SYNDIG1L: variants seen among roughly 807,000 people sequenced by gnomAD.
SYNDIG1L encodes the protein synapse differentiation-inducing gene protein 1-like.
A neutral mutation model predicts 20.1 loss-of-function variants in SYNDIG1L; 13 were observed. The observed-to-expected ratio is 0.65, with a 90% CI of 0.42 to 1.03. SYNDIG1L has a LOEUF of 1.03. Among genes scored for constraint, SYNDIG1L ranks in the 50% least tolerant of loss-of-function variants. SYNDIG1L has a pLI of 0.00. For synonymous variants in SYNDIG1L, 128 were observed against 129.3 expected (o/e 0.99, Z 0.07); for missense variants, 294 against 305.1 (o/e 0.96, Z 0.27).
the SYNDIG1L span, chr14:74,472,314 T>C: frequency 6.6e-6 from 1 of 152,232 alleles, no homozygotes; most frequent in Non-Finnish European, 1.5e-5. Flanking sequence ...GCACATTTCT[T>C]ACAGGGGCTC....
chr14:74,417,572 C>A (rs1261602736), intron 1 of SYNDIG1L, among the ~76,000 whole-genome samples: 1 of 152,160 alleles, frequency 6.6e-6, no homozygotes, highest in Non-Finnish European at 1.5e-5. Flanking sequence ...CAAATGAAGC[C>A]GGTTATTATT....
At chr14:74,416,071 G>C (rs1041287647) in intron 1 of SYNDIG1L, among the ~76,000 whole-genome samples, 8 of 152,110 alleles carry the variant, frequency 5.3e-5, no homozygotes, top group Admixed American at 5.2e-4. Context: ...TCAGGGCTGG[G>C]GGGAGAGGAG....
chr14:74,467,750 G>C, the SYNDIG1L span, among the ~76,000 whole-genome samples: 1 of 152,188 alleles, frequency 6.6e-6, no homozygotes, highest in Admixed American at 6.5e-5. Context: ...AGGGGCTGAT[G>C]GGGGGTGTGA....
At chr14:74,448,420 G>T in the SYNDIG1L span, among the ~76,000 whole-genome samples, 3 of 152,118 alleles carry the variant, frequency 2.0e-5, no homozygotes, top group Non-Finnish European at 4.4e-5. Flanking sequence ...ATTTTATAAT[G>T]ATGAAAATGT....
chr14:74,477,961 C>G, the SYNDIG1L span, among the ~76,000 whole-genome samples: 2 of 152,230 alleles, frequency 1.3e-5, no homozygotes, highest in Non-Finnish European at 2.9e-5. Flanking sequence ...CCACGGGAGC[C>G]CTACCTAGCT....
the SYNDIG1L span, among the ~76,000 whole-genome samples, chr14:74,453,318 A>T: frequency 1.5e-5 from 2 of 136,630 alleles, no homozygotes; most frequent in African/African-American, 5.4e-5. Context: ...ACACCATTGC[A>T]CTCCAGCCTA....
chr14:74,429,129 G>C (rs1017039975), upstream of SYNDIG1L, among the ~76,000 whole-genome samples: 3 of 152,154 alleles, frequency 2.0e-5, no homozygotes, highest in African/African-American at 7.2e-5. Flanking sequence ...ATGGAAAAGG[G>C]AAAGGCCCAG....
At chr14:74,427,118 C>CCT (rs553006899), upstream of SYNDIG1L, among the ~76,000 whole-genome samples, 22 of 116,808 alleles carry the variant, frequency 1.9e-4, 1 homozygote, top group East Asian at 1.5e-3. Flanking sequence ...CCTGCGTTTC[C>CCT]TTTTTTTTTT....
rs1239725222 is a variant in SYNDIG1L at position 74,409,498 on chromosome 14, T to C, written c.247A>G (p.Arg83Gly). ...LLGRDKVKEP[R>G]AGSCETSFTE... ...AAGCTTGTCTCACAGCTGCCTGCCC[T>C]GGGCTCCTTGACCTTGTCTCTCCCC... The change falls in exon 2 of 4, where the codon AGG becomes GGG. Residue 83 changes from arginine to glycine, a missense_variant. Arg to Gly is a moderately radical substitution (Grantham distance 125). Coordinates refer to ENST00000331628, the MANE Select transcript of SYNDIG1L (RefSeq NM_001105579.2). 1 of 1,611,680 alleles carries C rather than the reference T, an allele frequency of 6.2e-7. No homozygotes were observed. The highest frequency in any genetic ancestry group is 1.3e-5 in the African/African-American group (1 of 74,830).
At chr14:74,451,471 T>C in the SYNDIG1L span, among the ~76,000 whole-genome samples, 1 of 152,188 alleles carries the variant, frequency 6.6e-6, no homozygotes, top group Non-Finnish European at 1.5e-5. Flanking sequence ...GTAAAACTTG[T>C]AGAAGATGAC....
upstream of SYNDIG1L, among the ~76,000 whole-genome samples, chr14:74,430,438 T>G (rs569389524): frequency 1.3e-3 from 140 of 109,780 alleles, no homozygotes; most frequent in South Asian, 5.6e-3. Context: ...AGAATACGCA[T>G]TCTTTTTTTT....
the SYNDIG1L span, among the ~76,000 whole-genome samples, chr14:74,445,182 C>T: frequency 6.6e-6 from 1 of 152,038 alleles, no homozygotes; most frequent in Non-Finnish European, 1.5e-5. Context: ...CCTCTCTCAC[C>T]ATGTGATATG....
chr14:74,407,134 G>T lies in SYNDIG1L; in HGVS notation c.*401C>A. On this transcript the variant is annotated 3_prime_UTR_variant, in exon 4 of 4. Transcript: ENST00000331628. ...TTGGGACGGGTCCCCTTGTGCTCTG[G>T]GCACCCCCTTTTCTCCCTGTAACCT... The T allele has an allele frequency of 4.3e-6, 1 of 233,910 alleles. No individual in the cohort carries two copies. Among genetic ancestry groups the T allele is most frequent in the South Asian group, 5.7e-5 (1 of 17,656 alleles). The allele number at this position is 233,910 out of a possible 1,614,324, so 14.5% of individuals were successfully genotyped here.
intron 1 of SYNDIG1L, among the ~76,000 whole-genome samples, chr14:74,420,501 T>C (rs1159800626): frequency 6.6e-6 from 1 of 150,978 alleles, no homozygotes. Flanking sequence ...GGAGGCTAAA[T>C]GAACAGGAAT....
chr14:74,413,652 A>C (rs2086151097), intron 1 of SYNDIG1L, among the ~76,000 whole-genome samples: 1 of 152,054 alleles, frequency 6.6e-6, no homozygotes, highest in South Asian at 2.1e-4. Context: ...GAAAAAAATT[A>C]AGTGCATAGA....
At chr14:74,421,729 C>T (rs376991467) in intron 1 of SYNDIG1L, among the ~76,000 whole-genome samples, 4 of 151,932 alleles carry the variant, frequency 2.6e-5, no homozygotes, top group Non-Finnish European at 5.9e-5. Flanking sequence ...TGAGAATCGT[C>T]GAAGGACCTT....
the SYNDIG1L span, chr14:74,476,644 G>T: frequency 7.1e-7 from 1 of 1,417,496 alleles, no homozygotes; most frequent in Non-Finnish European, 9.6e-7. Context: ...GAGAGGAGCT[G>T]GCCGGATCCA....
the SYNDIG1L span, among the ~76,000 whole-genome samples, chr14:74,438,098 C>T: frequency 6.6e-6 from 1 of 152,208 alleles, no homozygotes; most frequent in East Asian, 1.9e-4. Flanking sequence ...GGTGCACCTA[C>T]TGTATGCTAT....
At chr14:74,461,554 C>T in the SYNDIG1L span, among the ~76,000 whole-genome samples, 4 of 152,172 alleles carry the variant, frequency 2.6e-5, no homozygotes, top group East Asian at 1.9e-4. Context: ...TCCACCTGCC[C>T]GAAAACCTCA....
Sources: allele counts gnomAD v4.1 joint callset (sites outside exome capture counted in the v4.1 genomes callset), GRCh38; gene constraint gnomAD v4.1.1; transcripts MANE v1.5; gene names NCBI Gene and HGNC (gene_info 2026-07-23, HGNC 2026-07-21).